Variants in ABCA8 observed in about 807,000 individuals in gnomAD.
ABCA8 encodes the protein ATP binding cassette subfamily A member 8, also known as ABC-type organic anion transporter ABCA8.
A neutral mutation model predicts 192.3 loss-of-function variants in ABCA8; 177 were observed. The observed-to-expected ratio is 0.92, with a 90% confidence interval of 0.81 to 1.04. The LOEUF is 1.04. Ranked by LOEUF, ABCA8 falls within the 50% of genes least tolerant of loss-of-function variation. The pLI, the probability that ABCA8 is intolerant of heterozygous loss-of-function variation, is 0.00. For synonymous variants in ABCA8, 642 were observed against 690.2 expected (o/e 0.93, Z 1.09); for missense variants, 1,915 against 1,904.8 (o/e 1.01, Z -0.10).
rs756411451 is a variant in ABCA8, at chr17:68,887,496, C to G, written c.3155G>C (p.Arg1052Pro). The change falls in exon 25 of 40, where the codon CGG (arginine) becomes CCG (proline). Residue 1052 changes from arginine to proline, a missense_variant. Transcript: ENST00000586539. The stretch of plus-strand genomic sequence containing the variant: ...GAGTCCGGAAATCCGTAGCTGGGAC[C>G]GAGCTCTGTTCTAATTAGGAGACAG... ...SSIDDYKNRA[R>P]SQLRISGLSP... is the part of the protein sequence containing the mutation. The G allele has an allele frequency of 1.9e-6, 3 of 1,609,642 alleles. No homozygotes were observed. The highest frequency in any genetic ancestry group is 1.7e-5 in the Admixed American group (1 of 59,180).
At chr17:68,869,076 A>G (rs2065983186) in intron 38 of ABCA8, among the ~76,000 whole-genome samples, 1 of 152,172 alleles carries the variant, frequency 6.6e-6, no homozygotes, top group South Asian at 2.1e-4. Context: ...CTCTAGAACT[A>G]GAAGATCTGA....
chr17:68,900,538 C>CAAAAAAAA (rs35696026), intron 21 of ABCA8, among the ~76,000 whole-genome samples: 2 of 108,884 alleles, frequency 1.8e-5, no homozygotes, highest in Non-Finnish European at 3.8e-5. Flanking sequence ...CACAAAGTCT[C>CAAAAAAAA]AAAAAAAAAA....
At chr17:68,874,780 T>A (rs1373065) in intron 37 of ABCA8, among the ~76,000 whole-genome samples, 60,811 of 151,880 alleles carry the variant, frequency 0.4, 12,489 homozygotes, top group East Asian at 0.52. Flanking sequence ...AATAAATACA[T>A]CAGGATGATG....
chr17:68,886,586 A>G (rs1217617929), intron 26 of ABCA8, among the ~76,000 whole-genome samples: 1 of 152,140 alleles, frequency 6.6e-6, no homozygotes, highest in Non-Finnish European at 1.5e-5. Context: ...ACTCGTGACT[A>G]TTTTAACAAG....
intron 27 of ABCA8, chr17:68,884,942 T>C (rs1313620306): frequency 5.2e-6 from 4 of 764,568 alleles, no homozygotes; most frequent in Non-Finnish European, 6.4e-6. Flanking sequence ...AGGCCCCACA[T>C]GAGTATAAGG....
At chr17:68,869,662 T>C in intron 38 of ABCA8, 38 bp downstream of exon 38, 1 of 1,315,086 alleles carries the variant, frequency 7.6e-7, no homozygotes, top group South Asian at 1.2e-5. Context: ...TGAAATTATC[T>C]TCTTTCCAGG....
At chr17:68,931,323 C>G (rs2067868224) in intron 7 of ABCA8, among the ~76,000 whole-genome samples, 1 of 152,156 alleles carries the variant, frequency 6.6e-6, no homozygotes, top group African/African-American at 2.4e-5. Context: ...CAGTTTATAC[C>G]ATTCATGGGG....
chr17:68,934,662 A>G (rs1286961097), intron 5 of ABCA8, among the ~76,000 whole-genome samples: 1 of 152,218 alleles, frequency 6.6e-6, no homozygotes, highest in Non-Finnish European at 1.5e-5. Flanking sequence ...TCTTTAACAC[A>G]GGTATGAGAG....
chr17:68,932,329 C>T lies in ABCA8; in HGVS notation c.756G>A (p.Lys252=), dbSNP rs28385895. ...VNVTRERKRM[K]ALMTMMGLRD... is the part of the protein sequence containing the mutation. ...GAAGACCCATCATTGTCATCAAGGC[C>T]TTCATCCTTTTCCTCTCTCTTGTGA... Residue 252 remains lysine (K), a synonymous_variant, in exon 7 of 40, where the codon AAG becomes AAA. Coordinates refer to ENST00000586539, the MANE Select transcript of ABCA8 (RefSeq NM_001288985.2). 0.013 allele frequency: 21,762 copies of T among 1,613,708 alleles called. 2,214 individuals are homozygous for T. The African/African-American group carries it at 0.24, about 17-fold the overall frequency.
chr17:68,906,605 C>A (rs2067074235), intron 18 of ABCA8, among the ~76,000 whole-genome samples: 1 of 151,942 alleles, frequency 6.6e-6, no homozygotes, highest in South Asian at 2.1e-4. Context: ...GGTGTAGAAT[C>A]TTCTGTAGTT....
intron 2 of ABCA8, chr17:68,944,433 T>G (rs958035647): frequency 1.2e-4 from 17 of 147,618 alleles, no homozygotes; most frequent in African/African-American, 4.3e-4. Context: ...AATCTACCCA[T>G]GTCTCAGAAC....
At chr17:68,884,512 A>G in intron 27 of ABCA8, 116 bp from the exon 28 acceptor site, 2 of 1,390,742 alleles carry the variant, frequency 1.4e-6, no homozygotes, top group Non-Finnish European at 1.9e-6. Context: ...AATATCACCT[A>G]AGTGTCCTTT....
intron 20 of ABCA8, 58 bp downstream of exon 20, chr17:68,903,243 G>T (rs568461679): frequency 1.3e-4 from 200 of 1,578,974 alleles, no homozygotes; most frequent in Non-Finnish European, 1.6e-4. Flanking sequence ...TTATACCTTA[G>T]ATTTGCTTTT....
chr17:68,885,263 A>G lies in ABCA8; in HGVS notation c.3482T>C (p.Ile1161Thr), dbSNP rs746708795. Residue 1161 changes from isoleucine (I) to threonine (T), a missense_variant, in exon 27 of 40, where the codon ATT (isoleucine) becomes ACT (threonine). Physicochemically the swap from Ile to Thr is moderately conservative, Grantham distance 89. Transcript: ENST00000586539. ...TATTAAAAAAGTGAAGATAAATGGA[A>G]TATCACTTTCGAAGATACTGAACGC... is the stretch of plus-strand genomic sequence containing the variant. ...GFAFSIFESDIPFIFTFLIPP... is the reference protein window; with the variant it reads ...GFAFSIFESDTPFIFTFLIPP... 2.5e-6 allele frequency: 4 copies of G among 1,613,302 alleles called. No homozygotes were observed. The East Asian group carries it at 6.7e-5, about 27-fold the overall frequency.
chr17:68,930,794 A>T (rs969790442), intron 7 of ABCA8, among the ~76,000 whole-genome samples: 2 of 152,116 alleles, frequency 1.3e-5, no homozygotes, highest in African/African-American at 2.4e-5. Flanking sequence ...GTCAATATTG[A>T]TGTATAAGAT....
In ABCA8 at chr17:68,891,518, T is replaced by C. The variant is rs769763495; in HGVS notation, c.3115A>G (p.Ile1039Val). The change falls in exon 24 of 40, where the codon ATT becomes GTT. Residue 1039 changes from isoleucine (I) to valine (V), a missense_variant. Transcript: ENST00000586539. ...TAATCATCGATGCTGCTCATGGCAATGTAAGGTGGGCAACTCGATGTTAAA... is the reference window on the plus strand; with the variant it reads ...TAATCATCGATGCTGCTCATGGCAACGTAAGGTGGGCAACTCGATGTTAAA... ...LVLTSSCPPY[I>V]AMSSIDDYKN... 6.2e-7 allele frequency: 1 copy of C among 1,613,114 alleles called. No homozygotes were observed. The highest frequency in any genetic ancestry group is 1.7e-5 in the Admixed American group (1 of 60,008).
chr17:68,868,559 G>A (rs1241909755), intron 38 of ABCA8, among the ~76,000 whole-genome samples: 3 of 152,170 alleles, frequency 2.0e-5, no homozygotes, highest in Non-Finnish European at 2.9e-5. Flanking sequence ...AATTATGCTT[G>A]TATGTTGTGC....
At chr17:68,953,475 G>A (rs1240438863) in intron 1 of ABCA8, among the ~76,000 whole-genome samples, 1 of 152,138 alleles carries the variant, frequency 6.6e-6, no homozygotes, top group Non-Finnish European at 1.5e-5. Flanking sequence ...GTGTCCAGGG[G>A]TCAGTTGCAA....
chr17:68,887,238 A>T, intron 25 of ABCA8, 98 bp downstream of exon 25: 1 of 1,348,326 alleles, frequency 7.4e-7, no homozygotes, highest in Non-Finnish European at 1.0e-6. Context: ...TCTTTAATTT[A>T]TGACCATATA....
Sources: gnomAD v4.1 joint callset for allele counts (sites outside exome capture counted in the v4.1 genomes callset) on GRCh38, gnomAD v4.1.1 for gene constraint, MANE v1.5 for transcripts, NCBI Gene and HGNC (gene_info 2026-07-23, HGNC 2026-07-21) for gene names.